CPVL: variants seen among roughly 807,000 people sequenced by gnomAD.
The protein encoded by CPVL is probable serine carboxypeptidase CPVL.
A neutral mutation model predicts 63.7 loss-of-function variants in CPVL; 51 were observed. The ratio of observed to expected loss-of-function variants is 0.80; its 90% CI spans 0.64 to 1.01. The LOEUF is 1.01. Ranked by LOEUF, CPVL falls within the 50% of genes least tolerant of loss-of-function variation. The pLI, the probability that CPVL is intolerant of heterozygous loss-of-function variation, is 0.00. For missense variants in CPVL, 530 were observed against 573.1 expected (o/e 0.92, Z 0.77); for synonymous variants, 195 against 206.0 (o/e 0.95, Z 0.46).
chr7:29,117,388 T>C (rs1488005199), intron 2 of CPVL, among the ~76,000 whole-genome samples: 4 of 152,214 alleles, frequency 2.6e-5, no homozygotes, highest in Admixed American at 2.6e-4. Context: ...AGATGTATGA[T>C]ACAGAAACAC....
At chr7:29,185,487 A>T (rs1798597715) in intron 3 of CPVL, 1 of 152,208 alleles carries the variant, frequency 6.6e-6, no homozygotes, top group Non-Finnish European at 1.5e-5. Context: ...ATCCCGGCAA[A>T]AACATGGAGC....
intron 5 of CPVL, among the ~76,000 whole-genome samples, chr7:29,094,702 A>C (rs1487662851): frequency 6.6e-6 from 1 of 152,074 alleles, no homozygotes; most frequent in Non-Finnish European, 1.5e-5. Flanking sequence ...ATCTCTACTA[A>C]AAATACAAAA....
intron 5 of CPVL, among the ~76,000 whole-genome samples, chr7:29,180,035 T>G (rs1013735044): frequency 1.1e-4 from 16 of 152,230 alleles, no homozygotes; most frequent in Admixed American, 6.5e-4. Context: ...AAATAAGATG[T>G]CCTTTCATCA....
intron 5 of CPVL, among the ~76,000 whole-genome samples, chr7:29,152,651 ATTATCCCTTC>A (rs1184885087): frequency 6.6e-6 from 1 of 152,176 alleles, no homozygotes; most frequent in African/African-American, 2.4e-5. Flanking sequence ...GAAAAAAGGA[ATTATCCCTTC>A]TTCTCAGTAG....
chr7:29,183,304 G>A (rs978188090), intron 4 of CPVL, among the ~76,000 whole-genome samples: 5 of 150,810 alleles, frequency 3.3e-5, no homozygotes, highest in Non-Finnish European at 5.9e-5. Context: ...GGCTGGTCTC[G>A]AACTCCCGAT....
In CPVL at chr7:29,120,703, C is replaced by T. The variant is rs570646749; in HGVS notation, c.169+190G>A. The stretch of plus-strand genomic sequence containing the variant: ...GGGCATGGTGGCTTGTGCCTATAAT[C>T]CCAGCTACTTGGGAGGCTGAGGCAG... On this transcript the variant is annotated intron_variant, in intron 2 of 12. Transcript: ENST00000265394. Among the ~76,000 whole-genome samples, 11 of 151,854 alleles carry T rather than the reference C, an allele frequency of 7.2e-5. No homozygotes were observed. In the East Asian group the frequency reaches 1.9e-3, roughly 27 times the overall value.
At chr7:29,109,589 G>A (rs1180810194) in intron 3 of CPVL, among the ~76,000 whole-genome samples, 3 of 152,092 alleles carry the variant, frequency 2.0e-5, no homozygotes, top group African/African-American at 7.2e-5. Flanking sequence ...CTCTGCATGT[G>A]GGCTTCCTGG....
At chr7:29,133,430 T>C (rs927313435) in intron 1 of CPVL, among the ~76,000 whole-genome samples, 1 of 152,228 alleles carries the variant, frequency 6.6e-6, no homozygotes, top group Non-Finnish European at 1.5e-5. Context: ...TAGAAGTCTA[T>C]CCTTGGCCCA....
chr7:29,075,519 T>TAAA (rs10658501), intron 7 of CPVL, among the ~76,000 whole-genome samples: 22,364 of 128,726 alleles, frequency 0.17, 3,206 homozygotes, highest in East Asian at 0.25. Context: ...AGATACTTCT[T>TAAA]AAAAAAAAAA....
chr7:29,081,179 C>G (rs778798155), intron 7 of CPVL, among the ~76,000 whole-genome samples: 3 of 152,196 alleles, frequency 2.0e-5, no homozygotes, highest in Non-Finnish European at 4.4e-5. Flanking sequence ...GTCCGTGCCT[C>G]AAGAACAAGG....
intron 12 of CPVL, among the ~76,000 whole-genome samples, chr7:29,003,655 T>C (rs1176284570): frequency 1.3e-5 from 2 of 152,002 alleles, no homozygotes; most frequent in African/African-American, 4.8e-5. Context: ...ACAAAAAGGG[T>C]GTAAAGTGAG....
chr7:29,001,738 G>A (rs1784662018), intron 12 of CPVL, among the ~76,000 whole-genome samples: 1 of 152,150 alleles, frequency 6.6e-6, no homozygotes, highest in Non-Finnish European at 1.5e-5. Flanking sequence ...GGTGCTTCAG[G>A]AGACCCACAT....
At chr7:29,092,274 T>C (rs1168449080) in intron 6 of CPVL, among the ~76,000 whole-genome samples, 1 of 150,306 alleles carries the variant, frequency 6.7e-6, no homozygotes, top group Non-Finnish European at 1.5e-5. Context: ...GGAAAAGTCA[T>C]GAAATAGAAG....
intron 4 of CPVL, 89 bp downstream of exon 4, chr7:29,096,014 G>A: frequency 1.0e-6 from 1 of 991,762 alleles, no homozygotes; most frequent in Non-Finnish European, 1.6e-6. Flanking sequence ...TATTCATAGT[G>A]GTTCAGTGTT....
intron 2 of CPVL, among the ~76,000 whole-genome samples, chr7:29,118,386 C>T (rs1023215252): frequency 6.6e-6 from 1 of 152,196 alleles, no homozygotes; most frequent in Admixed American, 6.5e-5. Flanking sequence ...GAAATACGTG[C>T]ATGTAATCCA....
At chr7:29,030,865 ATC>A (rs1374268040) in intron 11 of CPVL, 106 bp from the exon 12 acceptor site, 6 of 953,496 alleles carry the variant, frequency 6.3e-6, no homozygotes, top group Non-Finnish European at 1.5e-6. Context: ...AGAGACATGA[ATC>A]TCTCTGAGAT....
intron 1 of CPVL, among the ~76,000 whole-genome samples, chr7:29,131,209 T>C (rs1339077147): frequency 1.3e-5 from 2 of 152,104 alleles, no homozygotes; most frequent in Admixed American, 6.5e-5. Flanking sequence ...AAAAAAGAAT[T>C]GCCTCCTTTC....
At chr7:29,170,935 T>C (rs1258556238) in intron 5 of CPVL, among the ~76,000 whole-genome samples, 2 of 152,080 alleles carry the variant, frequency 1.3e-5, no homozygotes, top group African/African-American at 4.8e-5. Context: ...AAGAAAAACA[T>C]GGGAAAGACC....
At chr7:29,009,049 G>A (rs1413485982) in intron 12 of CPVL, 4 of 151,370 alleles carry the variant, frequency 2.6e-5, no homozygotes, top group Admixed American at 2.6e-4. Context: ...TTTTTGAGCT[G>A]GATATTTTGC....
Sources: gnomAD v4.1 joint callset for allele counts (sites outside exome capture counted in the v4.1 genomes callset) on GRCh38, gnomAD v4.1.1 for gene constraint, MANE v1.5 for transcripts, NCBI Gene and HGNC (gene_info 2026-07-23, HGNC 2026-07-21) for gene names.